TUBB2A: variants seen among roughly 807,000 people sequenced by gnomAD.
TUBB2A encodes tubulin beta-2A chain.
In TUBB2A, 7 loss-of-function variants were observed where a neutral mutation model predicts 33.9. That is an observed-to-expected ratio of 0.21 (90% CI 0.12 to 0.39). TUBB2A has a LOEUF of 0.39. Among genes scored for constraint, TUBB2A ranks in the 10% least tolerant of loss-of-function variants. TUBB2A has a pLI of 1.00. For missense variants in TUBB2A, 80 were observed against 593.4 expected, an observed-to-expected ratio of 0.13 and a Z score of 8.99; for synonymous variants, 187 against 247.6, an observed-to-expected ratio of 0.76 and a Z score of 2.30.
intron 1 of TUBB2A, among the ~76,000 whole-genome samples, chr6:3,156,354 T>C (rs1762633862): frequency 6.6e-6 from 1 of 152,306 alleles, no homozygotes; most frequent in Non-Finnish European, 1.5e-5. Context: ...GCATCGGCCA[T>C]ATTATGGGGA....
In TUBB2A at chr6:3,157,510, G is replaced by A; in HGVS notation, c.-47C>T. On this transcript the variant is annotated 5_prime_UTR_variant, in exon 1 of 4. Coordinates refer to ENST00000333628, the MANE Select transcript of TUBB2A (RefSeq NM_001069.3). Reference sequence around the variant, plus strand: ...GGCGCTGGCCCTCGGAGCGGTGCGCGGCGTGGACCGGCGGGCTGGGCTGCG... The same window carrying A: ...GGCGCTGGCCCTCGGAGCGGTGCGCAGCGTGGACCGGCGGGCTGGGCTGCG... The A allele has an allele frequency of 6.9e-7, 1 of 1,451,848 alleles. No homozygotes were observed. The highest frequency in any genetic ancestry group is 9.0e-7 in the Non-Finnish European group (1 of 1,106,094). The allele number at this position is 1,451,848 out of a possible 1,614,324, so 89.9% of individuals were successfully genotyped here. A position where few individuals can be genotyped will look rare whatever the true frequency, so the allele number is the denominator to read the frequency against.
chr6:3,157,321 G>T, intron 1 of TUBB2A, 86 bp downstream of exon 1: 1 of 1,275,114 alleles, frequency 7.8e-7, no homozygotes, highest in Non-Finnish European at 9.8e-7. Flanking sequence ...GGCCAGCCCG[G>T]GGCCGCCGCG....
Position 3,153,995 on chromosome 6 carries a change from G to A in TUBB2A, c.1206C>T (p.Gly402=). Reference sequence around the variant, plus strand: ...CCTCGGTGAACTCCATCTCGTCCATGCCCTCGCCCGTGTACCAGTGCAGGA... The same window carrying A: ...CCTCGGTGAACTCCATCTCGTCCATACCCTCGCCCGTGTACCAGTGCAGGA... ...KAFLHWYTGE[G]MDEMEFTEAE... is the part of the protein sequence containing the mutation. The change falls in exon 4 of 4, where the codon GGC becomes GGT. Residue 402 remains glycine (G), a synonymous_variant. Transcript: ENST00000333628. The A allele has an allele frequency of 6.2e-7, 1 of 1,604,374 alleles. No individual in the cohort carries two copies. Among genetic ancestry groups the A allele is most frequent in the Non-Finnish European group, 8.5e-7 (1 of 1,177,328 alleles).
In TUBB2A at chr6:3,155,086, T is replaced by A. The variant is rs1263204392; in HGVS notation, c.278-163A>T. 1.4e-6 allele frequency: 2 copies of A among 1,471,114 alleles called. No individual in the cohort carries two copies. The highest frequency in any genetic ancestry group is 5.0e-5 in the East Asian group (2 of 40,270). The allele number at this position is 1,471,114 out of a possible 1,614,324, so 91.1% of individuals were successfully genotyped here. A position where few individuals can be genotyped will look rare whatever the true frequency, so the allele number is the denominator to read the frequency against. ...GAAATATTTTTCTATGTCAGTGACC[T>A]CAAAAACACTGGGGATCATAATAAA... is the stretch of plus-strand genomic sequence containing the variant. On this transcript the variant is annotated intron_variant, in intron 3 of 3. Coordinates refer to ENST00000333628, the MANE Select transcript of TUBB2A (RefSeq NM_001069.3). This position sits in a 1 kb window ranked among gnomAD's most constrained non-coding sequence, Gnocchi z 4.2.
rs1762599935 is a variant in TUBB2A at position 3,154,559 on chromosome 6, G to C, written c.642C>G (p.Thr214=). Reference sequence around the variant, plus strand: ...CGTAGGTGGGGGTGGTCAGCTTCAGGGTGCGGAAGCAGATGTCATACAGGG... The same window carrying C: ...CGTAGGTGGGGGTGGTCAGCTTCAGCGTGCGGAAGCAGATGTCATACAGGG... ...NEALYDICFR[T]LKLTTPTYGD... The change falls in exon 4 of 4, where the codon ACC becomes ACG. Residue 214 remains threonine, a synonymous_variant. Transcript: ENST00000333628. 6.2e-7 allele frequency: 1 copy of C among 1,613,702 alleles called. No individual in the cohort carries two copies. The highest frequency in any genetic ancestry group is 8.5e-7 in the Non-Finnish European group (1 of 1,179,912).
In TUBB2A at chr6:3,157,416, G is replaced by T. The variant is rs1762656172; in HGVS notation, c.48C>A (p.Ile16=). ...HIQAGQCGNQ[I]GAKFWEVISD... ...GTGGCGGTGAGCCCACCTTGGCGCCGATCTGGTTGCCGCACTGGCCCGCCT... is the reference window on the plus strand; with the variant it reads ...GTGGCGGTGAGCCCACCTTGGCGCCTATCTGGTTGCCGCACTGGCCCGCCT... The change falls in exon 1 of 4, where the codon ATC becomes ATA. Residue 16 remains isoleucine, a synonymous_variant. Coordinates refer to ENST00000333628, the MANE Select transcript of TUBB2A (RefSeq NM_001069.3). The T allele has an allele frequency of 1.9e-6, 3 of 1,542,192 alleles. No homozygotes were observed. Among genetic ancestry groups the T allele is most frequent in the Admixed American group, 3.8e-5 (2 of 53,242 alleles).
chr6:3,157,393 G>A lies in TUBB2A; in HGVS notation c.57+14C>T. 6.6e-7 allele frequency: 1 copy of A among 1,523,710 alleles called. No individual in the cohort carries two copies. Among genetic ancestry groups the A allele is most frequent in the Non-Finnish European group, 8.8e-7 (1 of 1,141,868 alleles). The allele number at this position is 1,523,710 out of a possible 1,614,324, so 94.4% of individuals were successfully genotyped here. A position where few individuals can be genotyped will look rare whatever the true frequency, so the allele number is the denominator to read the frequency against. On this transcript the variant is annotated intron_variant, in intron 1 of 3. Coordinates refer to ENST00000333628, the MANE Select transcript of TUBB2A (RefSeq NM_001069.3). ...CGGTCCCAACCCCGGGCCCCTCCGTGGCGGTGAGCCCACCTTGGCGCCGAT... is the reference window on the plus strand; with the variant it reads ...CGGTCCCAACCCCGGGCCCCTCCGTAGCGGTGAGCCCACCTTGGCGCCGAT...
At position 3,155,804 on chromosome 6, in the gene TUBB2A, ATC is replaced by A. The variant is rs1295090865; in HGVS notation, c.167-71_167-70del. 7.0e-7 allele frequency: 1 copy of A among 1,424,734 alleles called. No individual in the cohort carries two copies. The highest frequency in any genetic ancestry group is 9.8e-7 in the Non-Finnish European group (1 of 1,024,994). 88.3% of individuals were successfully genotyped at this position (1,424,734 alleles called of 1,614,324 possible). On this transcript the variant is annotated intron_variant, in intron 2 of 3. Transcript: ENST00000333628. The surrounding 1 kb of genome is among the most constrained non-coding windows in gnomAD (Gnocchi z 4.2). ...ACTCACAGCAGCATTCAATTCCAGC[ATC>A]TGAGACAAAAGGAGAACAGGAGATT...
intron 1 of TUBB2A, 74 bp downstream of exon 1, chr6:3,157,333 C>T: frequency 1.5e-6 from 2 of 1,297,752 alleles, no homozygotes; most frequent in Non-Finnish European, 1.9e-6. Flanking sequence ...GCCGCCGCGG[C>T]CTCCAGCCCC....
Position 3,155,865 on chromosome 6 carries a change from G to T in TUBB2A, c.167-130C>A. 7.4e-7 allele frequency: 1 copy of T among 1,351,832 alleles called. No individual in the cohort carries two copies. The highest frequency in any genetic ancestry group is 2.4e-5 in the East Asian group (1 of 41,156). 83.7% of individuals were successfully genotyped at this position (1,351,832 alleles called of 1,614,324 possible). A position where few individuals can be genotyped will look rare whatever the true frequency, so the allele number is the denominator to read the frequency against. Reference sequence around the variant, plus strand: ...TTAAGAAAAAGGAGGTCCTGAGTGTGCTTAGCCGTGGCAAACAGGCAGGAA... The same window carrying T: ...TTAAGAAAAAGGAGGTCCTGAGTGTTCTTAGCCGTGGCAAACAGGCAGGAA... On this transcript the variant is annotated intron_variant, in intron 2 of 3. Transcript: ENST00000333628. This position sits in a 1 kb window ranked among gnomAD's most constrained non-coding sequence, Gnocchi z 4.2.
intron 3 of TUBB2A, 69 bp from the exon 4 acceptor site, chr6:3,154,992 G>A: frequency 6.2e-7 from 1 of 1,600,446 alleles, no homozygotes; most frequent in South Asian, 1.1e-5. Context: ...TTTTGACTAT[G>A]GAGGAGAAGG....
At position 3,154,844 on chromosome 6, in the gene TUBB2A, C is replaced by G. The variant is rs1239382156; in HGVS notation, c.357G>C (p.Val119=). The change falls in exon 4 of 4, where the codon GTG becomes GTC. Residue 119 remains valine (V), a synonymous_variant. Transcript: ENST00000333628. ...GAELVDSVLD[V]VRKESESCDC... ...CACAGCTCTCTGACTCCTTCCTCACCACATCCAGGACCGAGTCGACCAGCT... is the reference window on the plus strand; with the variant it reads ...CACAGCTCTCTGACTCCTTCCTCACGACATCCAGGACCGAGTCGACCAGCT... The G allele has an allele frequency of 3.7e-6, 6 of 1,613,044 alleles. No individual in the cohort carries two copies. Among genetic ancestry groups the G allele is most frequent in the Non-Finnish European group, 5.1e-6 (6 of 1,179,680 alleles).
chr6:3,157,282 C>G, intron 1 of TUBB2A, 125 bp downstream of exon 1: 1 of 1,130,302 alleles, frequency 8.8e-7, no homozygotes. Flanking sequence ...GGACCCCGCC[C>G]GGCGGCCTCG....
intron 1 of TUBB2A, 80 bp downstream of exon 1, chr6:3,157,327 C>A: frequency 1.6e-6 from 2 of 1,284,958 alleles, no homozygotes; most frequent in African/African-American, 3.2e-5. Flanking sequence ...CCCGGGGCCG[C>A]CGCGGCCTCC....
At position 3,155,718 on chromosome 6, in the gene TUBB2A, G is replaced by C; in HGVS notation, c.184C>G (p.Arg62Gly). The change falls in exon 3 of 4, where the codon CGG becomes GGG. Residue 62 changes from arginine (R) to glycine (G), a missense_variant. This residue lies in a region of TUBB2A where 27 missense variants were observed against 165.8 expected (regional missense o/e 0.16). Transcript: ENST00000333628. The surrounding 1 kb of genome is among the most constrained non-coding windows in gnomAD (Gnocchi z 4.2). ...GGCTCCAGATCCACCAGGATGGCCCGAGGTACATATTTGTTACCTGCAGGA... is the reference window on the plus strand; with the variant it reads ...GGCTCCAGATCCACCAGGATGGCCCCAGGTACATATTTGTTACCTGCAGGA... ...NEAAGNKYVP[R>G]AILVDLEPGT... is the part of the protein sequence containing the mutation. 6.2e-7 allele frequency: 1 copy of C among 1,613,952 alleles called. No homozygotes were observed. Among genetic ancestry groups the C allele is most frequent in the Non-Finnish European group, 8.5e-7 (1 of 1,179,928 alleles).
chr6:3,157,409 T>C lies in TUBB2A; in HGVS notation c.55A>G (p.Lys19Glu). The change falls in exon 1 of 4, where the codon AAG (lysine) becomes GAG (glutamate). Residue 19 changes from lysine to glutamate, a missense_variant and splice_region_variant. Lys to Glu is a moderately conservative substitution (Grantham distance 56, BLOSUM62 1). Around this residue, in one of 5 missense-constraint regions of TUBB2A, gnomAD observed 13 missense variants for 26.6 expected, o/e 0.49. Transcript: ENST00000333628. ...CCCCTCCGTGGCGGTGAGCCCACCT[T>C]GGCGCCGATCTGGTTGCCGCACTGG... Reference protein sequence around the residue: ...AGQCGNQIGAKFWEVISDEHG... With the variant: ...AGQCGNQIGAEFWEVISDEHG... The C allele has an allele frequency of 6.5e-7, 1 of 1,538,748 alleles. No homozygotes were observed. Among genetic ancestry groups the C allele is most frequent in the East Asian group, 2.7e-5 (1 of 37,258 alleles).
Position 3,153,901 on chromosome 6 carries a change from C to T in TUBB2A, c.1300G>A (p.Gly434Arg). The T allele has an allele frequency of 6.2e-7, 1 of 1,613,860 alleles. No homozygotes were observed. Among genetic ancestry groups the T allele is most frequent in the Non-Finnish European group, 8.5e-7 (1 of 1,179,914 alleles). ...QYQDATADEQ[G>R]EFEEEEGEDE... ...TCGCCCTCCTCCTCCTCGAACTCCCCTTGTTCGTCGGCCGTGGCGTCCTGG... is the reference window on the plus strand; with the variant it reads ...TCGCCCTCCTCCTCCTCGAACTCCCTTTGTTCGTCGGCCGTGGCGTCCTGG... Residue 434 changes from glycine (G) to arginine (R), a missense_variant, in exon 4 of 4, where the codon GGG (glycine) becomes AGG (arginine). By Grantham distance (125) the Gly-to-Arg change is moderately radical. This residue lies in a region of TUBB2A where 15 missense variants were observed against 23.2 expected (regional missense o/e 0.65). Transcript: ENST00000333628.
In TUBB2A at chr6:3,155,718, G is replaced by T; in HGVS notation, c.184C>A (p.Arg62=). 6.2e-7 allele frequency: 1 copy of T among 1,613,952 alleles called. No individual in the cohort carries two copies. The highest frequency in any genetic ancestry group is 8.5e-7 in the Non-Finnish European group (1 of 1,179,928). Residue 62 remains arginine (R), a synonymous_variant, in exon 3 of 4, where the codon CGG becomes AGG. Coordinates refer to ENST00000333628, the MANE Select transcript of TUBB2A (RefSeq NM_001069.3). The surrounding 1 kb of genome is among the most constrained non-coding windows in gnomAD (Gnocchi z 4.2). ...NEAAGNKYVP[R]AILVDLEPGT... is the part of the protein sequence containing the mutation. The stretch of plus-strand genomic sequence containing the variant: ...GGCTCCAGATCCACCAGGATGGCCC[G>T]AGGTACATATTTGTTACCTGCAGGA...
At position 3,154,816 on chromosome 6, in the gene TUBB2A, A is replaced by G; in HGVS notation, c.385T>C (p.Cys129Arg). 1 of 1,611,620 alleles carries G rather than the reference A, an allele frequency of 6.2e-7. No individual in the cohort carries two copies. Among genetic ancestry groups the G allele is most frequent in the Non-Finnish European group, 8.5e-7 (1 of 1,178,756 alleles). Residue 129 changes from cysteine (C) to arginine (R), a missense_variant, in exon 4 of 4, where the codon TGT becomes CGT. Cys to Arg is a radical substitution (Grantham distance 180). Around this residue, in one of 5 missense-constraint regions of TUBB2A, gnomAD observed 27 missense variants for 165.8 expected, o/e 0.16. Coordinates refer to ENST00000333628, the MANE Select transcript of TUBB2A (RefSeq NM_001069.3). ...VVRKESESCD[C>R]LQGFQLTHSL... ...TGGGTCAGCTGGAAGCCCTGGAGAC[A>G]GTCACAGCTCTCTGACTCCTTCCTC...
Sources: allele counts gnomAD v4.1 joint callset (sites outside exome capture counted in the v4.1 genomes callset), GRCh38; gene constraint gnomAD v4.1.1; regional missense constraint gnomAD v4.1.1; non-coding constraint Gnocchi (gnomAD v3.1); transcripts MANE v1.5; gene names NCBI Gene and HGNC (gene_info 2026-07-23, HGNC 2026-07-21).